NTRK3: variants seen among roughly 807,000 people sequenced by gnomAD.
NTRK3 encodes the protein NT-3 growth factor receptor.
In NTRK3, 24 loss-of-function variants were observed where a neutral mutation model predicts 91.7. The ratio of observed to expected loss-of-function variants is 0.26; its 90% CI spans 0.19 to 0.37. The LOEUF (loss-of-function observed/expected upper bound fraction) is 0.37. NTRK3 is among the 10% of genes least tolerant of loss of function. NTRK3 has a pLI of 1.00. For synonymous variants in NTRK3, 483 were observed against 404.0 expected (o/e 1.20, Z -2.34); for missense variants, 880 against 1,068.9 (o/e 0.82, Z 2.46).
chr15:88,065,430 T>G (rs1444605300), intron 13 of NTRK3, among the ~76,000 whole-genome samples: 1 of 152,160 alleles, frequency 6.6e-6, no homozygotes, highest in Non-Finnish European at 1.5e-5. Context: ...TCAGGTGGTT[T>G]GAGGCTCTGC....
intron 18 of NTRK3, among the ~76,000 whole-genome samples, chr15:87,878,316 C>G (rs937141376): frequency 6.6e-6 from 1 of 152,208 alleles, no homozygotes; most frequent in African/African-American, 2.4e-5. Flanking sequence ...TGTCCCTACA[C>G]TGCTCAACAG....
chr15:88,221,752 G>T (rs992481101), intron 3 of NTRK3, among the ~76,000 whole-genome samples: 1 of 152,232 alleles, frequency 6.6e-6, no homozygotes, highest in Non-Finnish European at 1.5e-5. Context: ...CCGTAGTGAC[G>T]GGTGAATGGG....
In NTRK3 at chr15:87,984,640, T is replaced by C. The variant is rs192279469; in HGVS notation, c.1586-43887A>G. Reference sequence around the variant, plus strand: ...ACAGGCCGTATATGGCCTTATGATGTGCCTTTTATTTTATTTTTTAACACA... The same window carrying C: ...ACAGGCCGTATATGGCCTTATGATGCGCCTTTTATTTTATTTTTTAACACA... On this transcript the variant is annotated intron_variant, in intron 14 of 18. Transcript: ENST00000394480. Among the ~76,000 whole-genome samples the C allele has an allele frequency of 7.0e-4, 106 of 152,334 alleles. 1 individual carries two copies. In the East Asian group the frequency reaches 0.013, roughly 19 times the overall value.
chr15:87,961,657 G>A (rs1259968239), intron 14 of NTRK3, among the ~76,000 whole-genome samples: 1 of 152,250 alleles, frequency 6.6e-6, no homozygotes, highest in African/African-American at 2.4e-5. Flanking sequence ...TGAGGGTGCA[G>A]TCTGTCCCCT....
chr15:88,103,798 C>T (rs993834643), intron 13 of NTRK3, among the ~76,000 whole-genome samples: 3 of 152,110 alleles, frequency 2.0e-5, no homozygotes, highest in Non-Finnish European at 4.4e-5. Context: ...ACAGAGTCCC[C>T]ACCTGAACCA....
chr15:88,002,705 A>C (rs2076204918), intron 14 of NTRK3, among the ~76,000 whole-genome samples: 2 of 148,738 alleles, frequency 1.3e-5, no homozygotes, highest in South Asian at 4.2e-4. Context: ...AAAAAAAAAA[A>C]ACCTTGCTAG....
At chr15:87,991,387 A>C (rs2075277355) in intron 14 of NTRK3, among the ~76,000 whole-genome samples, 2 of 152,200 alleles carry the variant, frequency 1.3e-5, no homozygotes, top group African/African-American at 4.8e-5. Flanking sequence ...TATGCAGAGT[A>C]AAATGTGGGA....
intron 14 of NTRK3, among the ~76,000 whole-genome samples, chr15:87,944,604 G>A (rs550104946): frequency 9.2e-5 from 14 of 152,254 alleles, no homozygotes; most frequent in Admixed American, 7.8e-4. Flanking sequence ...GGCTGCCTTC[G>A]CTCTGTCTTC....
intron 3 of NTRK3, among the ~76,000 whole-genome samples, chr15:88,193,437 T>C (rs2047568204): frequency 6.6e-6 from 1 of 152,020 alleles, no homozygotes; most frequent in African/African-American, 2.4e-5. Flanking sequence ...GGGTCAGCAG[T>C]GGGGAAGTAG....
At chr15:87,874,516 A>G (rs919651290) in exon 19 of NTRK3, 4 of 232,608 alleles carry the variant, frequency 1.7e-5, no homozygotes, top group Non-Finnish European at 2.5e-5. Context: ...TTTTCCACCC[A>G]TCTCCAACCC....
At chr15:88,176,644 T>C (rs2046024118) in intron 5 of NTRK3, among the ~76,000 whole-genome samples, 1 of 152,212 alleles carries the variant, frequency 6.6e-6, no homozygotes, top group Admixed American at 6.5e-5. Context: ...CAAGATATCC[T>C]TCTTGTCATC....
intron 17 of NTRK3, among the ~76,000 whole-genome samples, chr15:87,910,312 C>T (rs189905056): frequency 6.6e-5 from 10 of 152,206 alleles, no homozygotes; most frequent in East Asian, 5.8e-4. Flanking sequence ...CTCCTGCCAA[C>T]GTGCAAAGAA....
rs1231435550 is a variant in NTRK3 at position 88,237,513 on chromosome 15, T to C, written c.248+18393A>G. Among the ~76,000 whole-genome samples the C allele has an allele frequency of 3.3e-5, 5 of 152,218 alleles. No individual in the cohort carries two copies. The highest frequency in any genetic ancestry group is 7.3e-5 in the Non-Finnish European group (5 of 68,040). On this transcript the variant is annotated intron_variant, in intron 3 of 18. Transcript: ENST00000394480. The surrounding 1 kb of genome is among the most constrained non-coding windows in gnomAD (Gnocchi z 4.0). ...GGTAGCTGTTGAAATAATTAGTTAA[T>C]TAATTCATAAGAGAGCTAGAAATCA...
chr15:87,928,824 C>T, intron 17 of NTRK3: 1 of 421,554 alleles, frequency 2.4e-6, no homozygotes, highest in Non-Finnish European at 4.3e-6. Flanking sequence ...GGTAGGGAGA[C>T]ATTAAATGTA....
intron 13 of NTRK3, among the ~76,000 whole-genome samples, chr15:88,113,293 C>G (rs56657161): frequency 0.2 from 30,368 of 150,634 alleles, 3,274 homozygotes; most frequent in Middle Eastern, 0.23. Flanking sequence ...GTAGACTCCC[C>G]CACCTGCTGA....
chr15:87,880,599 A>G (rs2065188625), intron 17 of NTRK3, among the ~76,000 whole-genome samples, 171 bp from the exon 19 acceptor site: 1 of 152,208 alleles, frequency 6.6e-6, no homozygotes, highest in Admixed American at 6.5e-5. Context: ...TTGGAGACCT[A>G]CGATAAAGGA....
chr15:87,945,920 TG>T (rs1478556722), intron 14 of NTRK3, among the ~76,000 whole-genome samples: 1 of 151,906 alleles, frequency 6.6e-6, no homozygotes, highest in Non-Finnish European at 1.5e-5. Flanking sequence ...AATGGGAACA[TG>T]GATGTTGACT....
intron 3 of NTRK3, among the ~76,000 whole-genome samples, chr15:88,189,987 A>G (rs1022475821): frequency 6.6e-6 from 1 of 152,222 alleles, no homozygotes; most frequent in Non-Finnish European, 1.5e-5. Context: ...GCCCACCACC[A>G]TCTAACCCCA....
At chr15:88,092,865 G>A (rs890806629) in intron 13 of NTRK3, among the ~76,000 whole-genome samples, 1 of 152,058 alleles carries the variant, frequency 6.6e-6, no homozygotes, top group African/African-American at 2.4e-5. Flanking sequence ...ATCACCCTCT[G>A]CCTCTCCCTT....
Sources: gnomAD v4.1 joint callset for allele counts (sites outside exome capture counted in the v4.1 genomes callset) on GRCh38, gnomAD v4.1.1 for gene constraint, Gnocchi (gnomAD v3.1) non-coding constraint, MANE v1.5 for transcripts, NCBI Gene and HGNC (gene_info 2026-07-23, HGNC 2026-07-21) for gene names.